The following SLC44A1 variants were observed in gnomAD, a reference collection of about 807,000 sequenced individuals.
SLC44A1 encodes the protein choline transporter-like protein 1.
In SLC44A1, 26 loss-of-function variants were observed where a neutral mutation model predicts 79.3. The ratio of observed to expected loss-of-function variants is 0.33; its 90% CI spans 0.24 to 0.46. SLC44A1 has a LOEUF of 0.46. Ranked by LOEUF, SLC44A1 falls within the 20% of genes least tolerant of loss-of-function variation. The pLI, the probability that SLC44A1 is intolerant of heterozygous loss-of-function variation, is 1.00. For synonymous variants in SLC44A1, 263 were observed against 286.2 expected (o/e 0.92, Z 0.82); for missense variants, 688 against 798.1 (o/e 0.86, Z 1.66).
intron 3 of SLC44A1, among the ~76,000 whole-genome samples, chr9:105,335,201 G>A (rs7856033): frequency 0.11 from 16,267 of 151,802 alleles, 2,252 homozygotes; most frequent in African/African-American, 0.33. Flanking sequence ...TATTCATGCT[G>A]TATTATATAG....
intron 6 of SLC44A1, among the ~76,000 whole-genome samples, chr9:105,357,559 A>T (rs1002559579): frequency 6.6e-6 from 1 of 152,198 alleles, no homozygotes; most frequent in Admixed American, 6.5e-5. Context: ...AGAAATTTAT[A>T]AATTATTATT....
At chr9:105,326,441 G>T (rs984305760) in intron 3 of SLC44A1, among the ~76,000 whole-genome samples, 44 of 152,232 alleles carry the variant, frequency 2.9e-4, no homozygotes, top group South Asian at 6.2e-4. Context: ...GTGACTCTTG[G>T]TTGCCATTCT....
At chr9:105,278,470 G>C (rs963088037) in intron 1 of SLC44A1, among the ~76,000 whole-genome samples, 1 of 152,118 alleles carries the variant, frequency 6.6e-6, no homozygotes, top group Non-Finnish European at 1.5e-5. Context: ...GGAGGGTCTC[G>C]ATCTCTTGAC....
chr9:105,387,325 C>G (rs1030536975), intron 15 of SLC44A1, among the ~76,000 whole-genome samples: 6 of 151,998 alleles, frequency 3.9e-5, no homozygotes, highest in African/African-American at 1.4e-4. Flanking sequence ...ACAGATCACT[C>G]TAGTACCCAC....
At chr9:105,315,078 C>T (rs1387655212) in intron 3 of SLC44A1, among the ~76,000 whole-genome samples, 1 of 151,990 alleles carries the variant, frequency 6.6e-6, no homozygotes, top group Non-Finnish European at 1.5e-5. Context: ...TTTCTCCCTC[C>T]TAACGTTTAA....
At chr9:105,425,848 CT>C (rs1829316115) in intron 15 of SLC44A1, among the ~76,000 whole-genome samples, 1 of 151,990 alleles carries the variant, frequency 6.6e-6, no homozygotes, top group African/African-American at 2.4e-5. Context: ...ACAAAAAACC[CT>C]GTATATTTGG....
At chr9:105,343,725 T>C (rs1454219092) in intron 4 of SLC44A1, among the ~76,000 whole-genome samples, 1 of 152,114 alleles carries the variant, frequency 6.6e-6, no homozygotes, top group Non-Finnish European at 1.5e-5. Context: ...AACAAATACT[T>C]AGTACCCATT....
At chr9:105,381,484 G>T (rs1023951213) in intron 13 of SLC44A1, among the ~76,000 whole-genome samples, 3 of 151,716 alleles carry the variant, frequency 2.0e-5, no homozygotes, top group African/African-American at 7.3e-5. Flanking sequence ...GGAGGTGGAG[G>T]TTGCAGTGAG....
At chr9:105,278,083 A>G (rs1185696050) in intron 1 of SLC44A1, among the ~76,000 whole-genome samples, 3 of 151,098 alleles carry the variant, frequency 2.0e-5, no homozygotes, top group Non-Finnish European at 4.4e-5. Flanking sequence ...TTTTTTTAAG[A>G]CAGGGTCTCA....
At chr9:105,301,023 G>C (rs1830864404) in intron 2 of SLC44A1, among the ~76,000 whole-genome samples, 1 of 152,080 alleles carries the variant, frequency 6.6e-6, no homozygotes, top group South Asian at 2.1e-4. Context: ...ACCCATCTCG[G>C]CCTCCCAAAG....
chr9:105,354,456 TA>T (rs962140773), intron 5 of SLC44A1, among the ~76,000 whole-genome samples: 7 of 152,160 alleles, frequency 4.6e-5, no homozygotes, highest in African/African-American at 1.4e-4. Flanking sequence ...ACTTTTTGGT[TA>T]AAAAAACAAT....
At chr9:105,282,313 C>T (rs972223761) in intron 1 of SLC44A1, among the ~76,000 whole-genome samples, 1 of 151,928 alleles carries the variant, frequency 6.6e-6, no homozygotes, top group Non-Finnish European at 1.5e-5. Flanking sequence ...CACTGTTCCC[C>T]CTCACTTATT....
At chr9:105,358,971 T>G (rs1374955432) in intron 7 of SLC44A1, among the ~76,000 whole-genome samples, 2 of 152,100 alleles carry the variant, frequency 1.3e-5, no homozygotes, top group Non-Finnish European at 2.9e-5. Context: ...CTGCCTCCCT[T>G]AAATTTAACA....
At chr9:105,418,331 A>G (rs951216703) in intron 15 of SLC44A1, among the ~76,000 whole-genome samples, 3 of 151,318 alleles carry the variant, frequency 2.0e-5, no homozygotes, top group Non-Finnish European at 2.9e-5. Context: ...AAAAAAAAAA[A>G]AAAAGAAAGA....
chr9:105,392,534 C>T lies in SLC44A1; in HGVS notation c.*3478C>T, dbSNP rs947787263. 1.3e-5 allele frequency: 13 copies of T among 984,442 alleles called. No individual in the cohort carries two copies. The highest frequency in any genetic ancestry group is 1.8e-5 in the African/African-American group (1 of 56,940). 61.0% of individuals were successfully genotyped at this position (984,442 alleles called of 1,614,324 possible). On this transcript the variant is annotated 3_prime_UTR_variant, in exon 16 of 16. Transcript: ENST00000374720. ...TTCCCTGGGCAGTTTTAGGATTTCA[C>T]CCTAGTAGGGGGTATGAGGCACTGA...
At chr9:105,340,218 A>T (rs1827045045) in intron 4 of SLC44A1, among the ~76,000 whole-genome samples, 1 of 152,246 alleles carries the variant, frequency 6.6e-6, no homozygotes, top group African/African-American at 2.4e-5. Flanking sequence ...AAGAAATAGG[A>T]AAATAAATTC....
intron 2 of SLC44A1, among the ~76,000 whole-genome samples, chr9:105,306,581 C>T (rs1831038627): frequency 8.3e-6 from 1 of 120,098 alleles, no homozygotes; most frequent in African/African-American, 3.2e-5. Flanking sequence ...AGCTTCCCAC[C>T]CTCTCTAATG....
chr9:105,286,151 A>AT (rs1285218143), intron 1 of SLC44A1, among the ~76,000 whole-genome samples: 2 of 152,156 alleles, frequency 1.3e-5, no homozygotes, highest in Non-Finnish European at 2.9e-5. Context: ...GTACTGCGGT[A>AT]TTTTTACTGC....
At chr9:105,411,484 G>GTGTGTA (rs1190651722) in intron 15 of SLC44A1, among the ~76,000 whole-genome samples, 1 of 129,480 alleles carries the variant, frequency 7.7e-6, no homozygotes, top group Non-Finnish European at 1.5e-5. Flanking sequence ...GTGTGTGTGC[G>GTGTGTA]TGTGCATTTT....
Sources: allele counts gnomAD v4.1 joint callset (sites outside exome capture counted in the v4.1 genomes callset), GRCh38; gene constraint gnomAD v4.1.1; transcripts MANE v1.5; gene names NCBI Gene and HGNC (gene_info 2026-07-23, HGNC 2026-07-21).